The following TRPC5OS variants were observed in gnomAD, a reference collection of about 807,000 sequenced individuals.
TRPC5OS encodes putative uncharacterized protein TRPC5OS.
For missense variants in TRPC5OS, 64 were observed against 79.3 expected, an observed-to-expected ratio of 0.81 and a Z score of 0.73; for synonymous variants, 30 against 29.3, an observed-to-expected ratio of 1.02 and a Z score of -0.08.
At chrX:111,898,383 C>G (rs1925177272) in intron 3 of TRPC5OS, among the ~76,000 whole-genome samples, 1 of 108,567 alleles carries the variant, frequency 9.2e-6, no homozygotes, top group Non-Finnish European at 1.9e-5. Flanking sequence ...AATATTTTCT[C>G]TCAGTCTCTG....
intron 3 of TRPC5OS, among the ~76,000 whole-genome samples, chrX:111,897,486 A>G (rs901646234): frequency 2.7e-5 from 3 of 111,285 alleles, no homozygotes; most frequent in Non-Finnish European, 5.7e-5. Context: ...AACCGTACCT[A>G]AACATGATCA....
chrX:111,876,739 T>C (rs1287944005), intron 1 of TRPC5OS, among the ~76,000 whole-genome samples: 2 of 111,928 alleles, frequency 1.8e-5, no homozygotes, highest in Non-Finnish European at 3.8e-5. Flanking sequence ...TTTCCTTAAC[T>C]GTGGTTATCA....
intron 2 of TRPC5OS, 97 bp from the exon 3 acceptor site, chrX:111,896,310 T>TCTGAAATGTTGG (rs1925057028): frequency 9.1e-6 from 1 of 110,073 alleles, no homozygotes; most frequent in African/African-American, 3.4e-5. Context: ...GAAAGGGCTC[T>TCTGAAATGTTGG]TTAATCTCGT....
In TRPC5OS at chrX:111,902,025, C is replaced by A. The variant is rs1247787267; in HGVS notation, c.176C>A (p.Pro59His). Residue 59 changes from proline to histidine, a missense_variant, in exon 4 of 4, where the codon CCT becomes CAT. Transcript: ENST00000635763. ...TEADAPLPEE[P>H]SLPDLPDLSD... ...GCAGATGCACCTCTTCCCGAGGAGC[C>A]TTCGCTACCTGATCTCCCTGATCTC... 1 of 1,153,584 alleles carries A rather than the reference C, an allele frequency of 8.7e-7. No homozygotes were observed. Among genetic ancestry groups the A allele is most frequent in the African/African-American group, 1.8e-5 (1 of 55,540 alleles).
At chrX:111,882,541 C>T (rs1924276537) in intron 1 of TRPC5OS, among the ~76,000 whole-genome samples, 2 of 113,094 alleles carry the variant, frequency 1.8e-5, no homozygotes, top group Admixed American at 1.9e-4. Flanking sequence ...AAGGCCAAGG[C>T]CAAGGTCTGG....
intron 1 of TRPC5OS, among the ~76,000 whole-genome samples, chrX:111,888,472 A>G (rs1924616680): frequency 9.8e-6 from 1 of 102,424 alleles, no homozygotes; most frequent in Admixed American, 1.1e-4. Flanking sequence ...CAGGAGTTCG[A>G]GACCAGCCTG....
At chrX:111,883,239 A>T (rs1229557147) in intron 1 of TRPC5OS, among the ~76,000 whole-genome samples, 1 of 112,702 alleles carries the variant, frequency 8.9e-6, no homozygotes, top group African/African-American at 3.2e-5. Flanking sequence ...TTATAACCCA[A>T]TTCAGCCCTA....
intron 1 of TRPC5OS, among the ~76,000 whole-genome samples, chrX:111,881,710 T>C (rs1210838904): frequency 9.1e-6 from 1 of 110,465 alleles, no homozygotes; most frequent in Non-Finnish European, 1.9e-5. Context: ...CGCAGTGTGG[T>C]TAAGGTAAGT....
chrX:111,892,506 G>A (rs1186360209), intron 1 of TRPC5OS, among the ~76,000 whole-genome samples: 1 of 112,103 alleles, frequency 8.9e-6, no homozygotes, highest in Non-Finnish European at 1.9e-5. Context: ...AATATAGTTA[G>A]CTTTCGCCAG....
chrX:111,884,078 G>A (rs946623334), intron 1 of TRPC5OS, among the ~76,000 whole-genome samples: 1 of 112,425 alleles, frequency 8.9e-6, no homozygotes, highest in Non-Finnish European at 1.9e-5. Context: ...CCTAGGTAAG[G>A]CTTAAGTCTA....
At chrX:111,894,537 G>C (rs185067130) in intron 1 of TRPC5OS, among the ~76,000 whole-genome samples, 131 of 111,059 alleles carry the variant, frequency 1.2e-3, no homozygotes, top group African/African-American at 3.8e-3. Flanking sequence ...TAGCTATCAG[G>C]GTCTCTTGCC....
At chrX:111,884,919 A>G (rs890057839) in intron 1 of TRPC5OS, among the ~76,000 whole-genome samples, 1 of 112,625 alleles carries the variant, frequency 8.9e-6, no homozygotes, top group African/African-American at 3.2e-5. Flanking sequence ...GTCAGACTTT[A>G]GTTAAGTTCT....
intron 1 of TRPC5OS, among the ~76,000 whole-genome samples, chrX:111,880,365 GTGT>G (rs1924152388): frequency 8.9e-6 from 1 of 112,514 alleles, no homozygotes; most frequent in African/African-American, 3.2e-5. Flanking sequence ...ATGAATGAAT[GTGT>G]TAACTTTCTA....
At chrX:111,890,326 TCA>T (rs1195939228) in intron 1 of TRPC5OS, among the ~76,000 whole-genome samples, 1 of 112,132 alleles carries the variant, frequency 8.9e-6, no homozygotes, top group Non-Finnish European at 1.9e-5. Flanking sequence ...TAGATTTTTT[TCA>T]CAGTTTTCTT....
At chrX:111,897,658 C>A (rs1258850357) in intron 3 of TRPC5OS, among the ~76,000 whole-genome samples, 2 of 111,696 alleles carry the variant, frequency 1.8e-5, no homozygotes, top group Non-Finnish European at 3.8e-5. Flanking sequence ...TGTCTGGCTT[C>A]TTTCATTAAG....
intron 1 of TRPC5OS, among the ~76,000 whole-genome samples, chrX:111,890,718 T>A (rs1018742375): frequency 8.9e-5 from 10 of 112,011 alleles, no homozygotes; most frequent in African/African-American, 2.9e-4. Flanking sequence ...AAATAAAAAA[T>A]TTTAACTTTT....
chrX:111,899,620 G>T (rs756675755), intron 3 of TRPC5OS, among the ~76,000 whole-genome samples: 1 of 111,068 alleles, frequency 9.0e-6, no homozygotes, highest in East Asian at 2.8e-4. Context: ...TTGTGTGAGT[G>T]TGTTCCTGTC....
At chrX:111,877,056 C>A (rs1322454580) in intron 1 of TRPC5OS, among the ~76,000 whole-genome samples, 1 of 111,220 alleles carries the variant, frequency 9.0e-6, no homozygotes, top group African/African-American at 3.3e-5. Context: ...TCAGAATGAT[C>A]AATCTTTGCA....
chrX:111,899,494 A>G (rs1454072813), intron 3 of TRPC5OS, among the ~76,000 whole-genome samples: 1 of 111,689 alleles, frequency 9.0e-6, no homozygotes. Flanking sequence ...AATGAAACAC[A>G]TAAGTGAATA....
Sources: allele counts gnomAD v4.1 joint callset (sites outside exome capture counted in the v4.1 genomes callset), GRCh38; gene constraint gnomAD v4.1.1; transcripts MANE v1.5; gene names NCBI Gene and HGNC (gene_info 2026-07-23, HGNC 2026-07-21).